Variants in ABCG2 observed in about 807,000 individuals in gnomAD.
ABCG2 encodes broad substrate specificity ATP-binding cassette transporter ABCG2.
Under a neutral mutation model 73.5 loss-of-function variants are expected in ABCG2, and 80 were observed. That is an observed-to-expected ratio of 1.09 (90% CI 0.91 to 1.31). The LOEUF is 1.31. Among genes scored for constraint, ABCG2 ranks in the 50% most tolerant of loss-of-function variants. The pLI is 0.00. For missense variants in ABCG2, 796 were observed against 786.2 expected, an observed-to-expected ratio of 1.01 and a Z score of -0.15; for synonymous variants, 269 against 282.4, an observed-to-expected ratio of 0.95 and a Z score of 0.48.
At chr4:88,177,956 G>T (rs2110097945) in intron 1 of ABCG2, among the ~76,000 whole-genome samples, 1 of 152,280 alleles carries the variant, frequency 6.6e-6, no homozygotes, top group South Asian at 2.1e-4. Context: ...GAACTAAAGT[G>T]CTCTGGGGTT....
intron 1 of ABCG2, among the ~76,000 whole-genome samples, chr4:88,174,533 C>T (rs1727879028): frequency 6.6e-6 from 1 of 152,148 alleles, no homozygotes; most frequent in African/African-American, 2.4e-5. Flanking sequence ...GTATTACAGA[C>T]ATGCGCCACC....
chr4:88,143,165 G>C (rs1167153389), intron 1 of ABCG2, among the ~76,000 whole-genome samples: 1 of 152,146 alleles, frequency 6.6e-6, no homozygotes, highest in African/African-American at 2.4e-5. Flanking sequence ...TGTTATATCA[G>C]GAACTTGAGC....
At chr4:88,115,788 G>C (rs1723536413) in intron 7 of ABCG2, among the ~76,000 whole-genome samples, 1 of 151,848 alleles carries the variant, frequency 6.6e-6, no homozygotes, top group Non-Finnish European at 1.5e-5. Flanking sequence ...TCTAAATATA[G>C]ACCCAAGAAA....
chr4:88,121,858 C>T lies in ABCG2; in HGVS notation c.532-66G>A, dbSNP rs376671810. The T allele has an allele frequency of 3.7e-5, 55 of 1,493,532 alleles. No homozygotes were observed. The African/African-American group carries it at 3.7e-4, about 10-fold the overall frequency. The allele number at this position is 1,493,532 out of a possible 1,614,324, so 92.5% of individuals were successfully genotyped here. On this transcript the variant is annotated intron_variant, in intron 5 of 15. Coordinates refer to ENST00000237612, the MANE Select transcript of ABCG2 (RefSeq NM_004827.3). Reference sequence around the variant, plus strand: ...TCATTATCATTTGGTGAGCTCCTAACGTGTGCCAGTCCTGTAAGAGACACT... The same window carrying T: ...TCATTATCATTTGGTGAGCTCCTAATGTGTGCCAGTCCTGTAAGAGACACT...
intron 1 of ABCG2, among the ~76,000 whole-genome samples, chr4:88,156,931 T>A (rs1464252899): frequency 6.6e-6 from 1 of 152,026 alleles, no homozygotes; most frequent in Non-Finnish European, 1.5e-5. Context: ...ATGAAACCTG[T>A]CTCTACTAAA....
At chr4:88,229,978 C>CATTATTATT (rs61485563) in intron 1 of ABCG2, among the ~76,000 whole-genome samples, 16,083 of 143,354 alleles carry the variant, frequency 0.11, 1,012 homozygotes, top group East Asian at 0.22. Context: ...TTCTGGCATG[C>CATTATTATT]ATTATTATTA....
At chr4:88,153,542 G>C (rs180735135) in intron 1 of ABCG2, among the ~76,000 whole-genome samples, 41,542 of 120,494 alleles carry the variant, frequency 0.34, 8,605 homozygotes, top group East Asian at 0.58. Flanking sequence ...GATTGAGGAT[G>C]GTAAGGGATA....
intron 1 of ABCG2, among the ~76,000 whole-genome samples, chr4:88,168,220 G>T (rs955619270): frequency 6.6e-6 from 1 of 152,086 alleles, no homozygotes; most frequent in Non-Finnish European, 1.5e-5. Flanking sequence ...CAGGTGCAGT[G>T]GTTCACACCT....
At chr4:88,205,483 A>G (rs960937174) in intron 1 of ABCG2, among the ~76,000 whole-genome samples, 1 of 152,190 alleles carries the variant, frequency 6.6e-6, no homozygotes, top group African/African-American at 2.4e-5. Context: ...TAAAAACTAT[A>G]ATATAAATGA....
chr4:88,127,829 T>C (rs926588569), intron 5 of ABCG2, among the ~76,000 whole-genome samples: 1 of 151,284 alleles, frequency 6.6e-6, no homozygotes, highest in African/African-American at 2.4e-5. Flanking sequence ...ACCTAGGCAA[T>C]ACCCTTCAGG....
At chr4:88,176,154 C>A (rs1727958415) in intron 1 of ABCG2, among the ~76,000 whole-genome samples, 1 of 125,814 alleles carries the variant, frequency 7.9e-6, no homozygotes, top group African/African-American at 2.8e-5. Flanking sequence ...TATGATTATT[C>A]TTGTTTTTTT....
upstream of ABCG2, chr4:88,159,332 TGGTGAATGG>T: frequency 2.5e-6 from 1 of 402,746 alleles, no homozygotes; most frequent in South Asian, 1.8e-5. Flanking sequence ...GGGTGGTTTC[TGGTGAATGG>T]GATTCTGAGA....
chr4:88,189,584 G>A (rs568694954), intron 1 of ABCG2, among the ~76,000 whole-genome samples: 1 of 152,118 alleles, frequency 6.6e-6, no homozygotes, highest in Admixed American at 6.6e-5. Flanking sequence ...ATTTTTCTGT[G>A]TTGATTTTGT....
chr4:88,169,261 G>A (rs1054286002), intron 1 of ABCG2, among the ~76,000 whole-genome samples: 1 of 152,016 alleles, frequency 6.6e-6, no homozygotes, highest in African/African-American at 2.4e-5. Flanking sequence ...GGCCAGGCTG[G>A]TCTGGAACTC....
chr4:88,163,798 G>T, upstream of ABCG2: 1 of 343,746 alleles, frequency 2.9e-6, no homozygotes, highest in Non-Finnish European at 5.7e-6. Context: ...AGCTGTCTGG[G>T]CCAAAGGAAT....
rs550920809 is a variant in ABCG2, at chr4:88,168,494, A to C, written c.-19-28480T>G. ...GAGCTAGGCTTCCTCTCAAAAAAAA[A>C]AAAAGTTCATTTGGTTATAAAGTTT... On this transcript the variant is annotated intron_variant, in intron 1 of 15. Transcript: ENST00000515655. Among the ~76,000 whole-genome samples the C allele has an allele frequency of 9.9e-5, 15 of 152,064 alleles. No homozygotes were observed. In the South Asian group the frequency reaches 3.1e-3, roughly 32 times the overall value.
intron 11 of ABCG2, among the ~76,000 whole-genome samples, chr4:88,099,937 C>T (rs143999000): frequency 2.7e-3 from 406 of 152,096 alleles, no homozygotes; most frequent in South Asian, 9.7e-3. Flanking sequence ...TCTTCTACTC[C>T]CAAGTTAAAA....
rs1365938275 is a variant in ABCG2 at position 88,121,705 on chromosome 4, A to G, written c.619T>C (p.Leu207=). Residue 207 remains leucine, a synonymous_variant, in exon 6 of 16, where the codon TTG becomes CTG. Transcript: ENST00000237612. ...CCAGTTGTAGGCTCATCCAAGAACA[A>G]GATGGAAGGATCAGTGATAAGCTCC... ...GMELITDPSI[L]FLDEPTTGLD... 10 of 1,614,010 alleles carry G rather than the reference A, an allele frequency of 6.2e-6. No individual in the cohort carries two copies. The highest frequency in any genetic ancestry group is 8.5e-6 in the Non-Finnish European group (10 of 1,179,988).
At chr4:88,109,520 G>GTT (rs2109999481) in intron 9 of ABCG2, among the ~76,000 whole-genome samples, 1 of 152,294 alleles carries the variant, frequency 6.6e-6, no homozygotes, top group Non-Finnish European at 1.5e-5. Context: ...TGGCATTAAA[G>GTT]AAAGGAAAAC....
Sources: gnomAD v4.1 joint callset for allele counts (sites outside exome capture counted in the v4.1 genomes callset) on GRCh38, gnomAD v4.1.1 for gene constraint, MANE v1.5 for transcripts, NCBI Gene and HGNC (gene_info 2026-07-23, HGNC 2026-07-21) for gene names.